ABLIM2: variants seen among roughly 807,000 people sequenced by gnomAD.
ABLIM2 encodes actin-binding LIM protein 2.
In ABLIM2, 53 loss-of-function variants were observed where a neutral mutation model predicts 97.7. That is an observed-to-expected ratio of 0.54 (90% CI 0.44 to 0.68). The LOEUF is 0.68. Among genes scored for constraint, ABLIM2 ranks in the 30% least tolerant of loss-of-function variants. ABLIM2 has a pLI of 0.00. For synonymous variants in ABLIM2, 361 were observed against 345.8 expected (o/e 1.04, Z -0.49); for missense variants, 835 against 867.2 (o/e 0.96, Z 0.47).
intron 4 of ABLIM2, among the ~76,000 whole-genome samples, chr4:8,086,534 G>C (rs973289615): frequency 1.4e-4 from 22 of 152,074 alleles, no homozygotes; most frequent in Admixed American, 9.2e-4. Context: ...TTTTATTAGA[G>C]ACAGGGCCTC....
At chr4:7,985,107 A>G in intron 17 of ABLIM2, among the ~76,000 whole-genome samples, 1 of 152,206 alleles carries the variant, frequency 6.6e-6, no homozygotes, top group Non-Finnish European at 1.5e-5. Context: ...GGGACTGGCC[A>G]GCTTTCTTGC....
At chr4:8,076,206 G>T (rs1815914812) in intron 6 of ABLIM2, among the ~76,000 whole-genome samples, 1 of 152,228 alleles carries the variant, frequency 6.6e-6, no homozygotes, top group Non-Finnish European at 1.5e-5. Flanking sequence ...TCCCCGCCAG[G>T]TAGAGTTGCT....
chr4:8,009,088 C>G lies in ABLIM2; in HGVS notation c.1438G>C (p.Asp480His). ...IYRQHAARRS[D>H]GEDGSLDQDN... is the part of the protein sequence containing the mutation. The stretch of plus-strand genomic sequence containing the variant: ...TGGTCCAAGCTTCCATCCTCCCCAT[C>G]CGATCGCCTGGCAGCTGGAAGGGAA... Residue 480 changes from aspartate (D) to histidine (H), a missense_variant, in exon 15 of 21, where the codon GAT becomes CAT. Coordinates refer to ENST00000447017, the MANE Select transcript of ABLIM2 (RefSeq NM_001130083.2). The G allele has an allele frequency of 6.2e-7, 1 of 1,614,058 alleles. No individual in the cohort carries two copies. Among genetic ancestry groups the G allele is most frequent in the Non-Finnish European group, 8.5e-7 (1 of 1,179,912 alleles).
In ABLIM2 at chr4:8,019,559, A is replaced by G; in HGVS notation, c.1423+59T>C. The G allele has an allele frequency of 3.3e-6, 5 of 1,503,508 alleles. No homozygotes were observed. Among genetic ancestry groups the G allele is most frequent in the Non-Finnish European group, 3.7e-6 (4 of 1,095,296 alleles). The allele number at this position is 1,503,508 out of a possible 1,614,324, so 93.1% of individuals were successfully genotyped here. ...ACAACAAAAGGATGCATTCAGAAGCAGATGGGTATTGACAGGCATGCGGGG... is the reference window on the plus strand; with the variant it reads ...ACAACAAAAGGATGCATTCAGAAGCGGATGGGTATTGACAGGCATGCGGGG... On this transcript the variant is annotated intron_variant, in intron 14 of 20. Transcript: ENST00000447017. This position sits in a 1 kb window ranked among gnomAD's most constrained non-coding sequence, Gnocchi z 4.3.
At chr4:8,102,211 C>G (rs140894789) in intron 2 of ABLIM2, among the ~76,000 whole-genome samples, 1 of 152,344 alleles carries the variant, frequency 6.6e-6, no homozygotes, top group Non-Finnish European at 1.5e-5. Flanking sequence ...GTTTCCCAAG[C>G]CTGCCTGCTT....
rs535964383 is a variant in ABLIM2 at position 8,048,191 on chromosome 4, A to G, written c.823-2950T>C. On this transcript the variant is annotated intron_variant, in intron 8 of 20. Transcript: ENST00000447017. ...GGGATGAGTCAGAAGGGAGCTGAGT[A>G]GGCCTGATTTTCCCCAGTGGGAGGA... Among the ~76,000 whole-genome samples, 36 of 152,338 alleles carry G rather than the reference A, an allele frequency of 2.4e-4. No individual in the cohort carries two copies. The South Asian group carries it at 2.5e-3, about 11-fold the overall frequency.
Position 8,113,697 on chromosome 4 carries a change from C to A in ABLIM2, c.11-7060G>T, listed in dbSNP as rs1014059160. On this transcript the variant is annotated intron_variant, in intron 1 of 20. Coordinates refer to ENST00000447017, the MANE Select transcript of ABLIM2 (RefSeq NM_001130083.2). The surrounding 1 kb of genome is among the most constrained non-coding windows in gnomAD (Gnocchi z 4.5). ...GCCAAGATGATTTCAGAAAGCTCCC[C>A]GTCTGCTGTTTGTATCATCCAAACG... 7.9e-5 allele frequency among the ~76,000 whole-genome samples: 12 copies of A among 152,338 alleles called. No homozygotes were observed. The highest frequency in any genetic ancestry group is 2.9e-4 in the African/African-American group (12 of 41,578).
In ABLIM2 at chr4:8,092,006, T is replaced by A. The variant is rs974114335; in HGVS notation, c.339-3722A>T. 9.3e-5 allele frequency among the ~76,000 whole-genome samples: 13 copies of A among 139,562 alleles called. No homozygotes were observed. The South Asian group carries it at 2.8e-3, about 30-fold the overall frequency. 91.6% of individuals were successfully genotyped at this position (139,562 alleles called of 152,430 possible). A position where few individuals can be genotyped will look rare whatever the true frequency, so the allele number is the denominator to read the frequency against. The stretch of plus-strand genomic sequence containing the variant: ...ATTATAATATATAATATAATATATA[T>A]ATATTTTTTGAGACAGAGTCTTGCT... On this transcript the variant is annotated intron_variant, in intron 3 of 20. Transcript: ENST00000447017.
At chr4:8,000,254 G>A (rs998408263) in intron 16 of ABLIM2, among the ~76,000 whole-genome samples, 3 of 152,260 alleles carry the variant, frequency 2.0e-5, no homozygotes, top group Admixed American at 6.5e-5. Flanking sequence ...TGTCCACAGA[G>A]GGCTTGCCAT....
intron 10 of ABLIM2, among the ~76,000 whole-genome samples, chr4:8,035,780 C>T (rs1178543034): frequency 3.9e-5 from 6 of 152,180 alleles, no homozygotes; most frequent in East Asian, 3.8e-4. Flanking sequence ...GCCAAGAGTC[C>T]GCTACAGAGG....
intron 1 of ABLIM2, among the ~76,000 whole-genome samples, chr4:8,119,904 G>A (rs978513194): frequency 3.3e-5 from 5 of 152,114 alleles, no homozygotes; most frequent in African/African-American, 9.7e-5. Flanking sequence ...CAGACCCTTC[G>A]CCTCCGCTCA....
At chr4:8,098,641 G>T (rs918793296) in intron 2 of ABLIM2, among the ~76,000 whole-genome samples, 8 of 152,176 alleles carry the variant, frequency 5.3e-5, no homozygotes, top group African/African-American at 1.9e-4. Context: ...CCAGATGCCG[G>T]AGCTGCCGGG....
chr4:8,145,940 A>C (rs981629060), intron 1 of ABLIM2, among the ~76,000 whole-genome samples: 12 of 152,088 alleles, frequency 7.9e-5, no homozygotes, highest in South Asian at 2.1e-4. Flanking sequence ...TGTCCTTGAG[A>C]ACTAGAATTG....
rs1213627338 is a variant in ABLIM2 at position 8,158,666 on chromosome 4, TC to T, written c.10+13del. On this transcript the variant is annotated intron_variant, in intron 1 of 20. Coordinates refer to ENST00000447017, the MANE Select transcript of ABLIM2 (RefSeq NM_001130083.2). ...GCGCGGGGACCCGTTGGTCCCTCGG[TC>T]CCCAGCACCCACCTGCACTCATCTC... The T allele has an allele frequency of 2.0e-6, 3 of 1,502,928 alleles. No individual in the cohort carries two copies. The highest frequency in any genetic ancestry group is 2.1e-5 in the Admixed American group (1 of 47,582). 93.1% of individuals were successfully genotyped at this position (1,502,928 alleles called of 1,614,324 possible).
rs746404270 is a variant in ABLIM2, at chr4:8,005,323, T to C, written c.1618+2736A>G. On this transcript the variant is annotated intron_variant, in intron 16 of 20. Transcript: ENST00000447017. This position sits in a 1 kb window ranked among gnomAD's most constrained non-coding sequence, Gnocchi z 4.9. Reference sequence around the variant, plus strand: ...TGGCACAGAGTGGGTGCTCAATAAATACCCGTTGAATGTAACGCATTTCAA... The same window carrying C: ...TGGCACAGAGTGGGTGCTCAATAAACACCCGTTGAATGTAACGCATTTCAA... 7.3e-5 allele frequency: 39 copies of C among 532,856 alleles called. No individual in the cohort carries two copies. The highest frequency in any genetic ancestry group is 2.5e-4 in the Admixed American group (13 of 51,582). The allele number at this position is 532,856 out of a possible 1,614,324, so 33.0% of individuals were successfully genotyped here.
rs1422987894 is a variant in ABLIM2, at chr4:8,147,330, T to C, written c.10+11350A>G. Among the ~76,000 whole-genome samples the C allele has an allele frequency of 6.6e-6, 1 of 152,178 alleles. No individual in the cohort carries two copies. Among genetic ancestry groups the C allele is most frequent in the Non-Finnish European group, 1.5e-5 (1 of 68,036 alleles). On this transcript the variant is annotated intron_variant, in intron 1 of 20. Transcript: ENST00000447017. This position sits in a 1 kb window ranked among gnomAD's most constrained non-coding sequence, Gnocchi z 5.3. ...ACTCCACAGGGAGAAGAAAAGGTAT[T>C]GACCCGGTAAACAGGATGCACCAAG... is the stretch of plus-strand genomic sequence containing the variant.
intron 9 of ABLIM2, among the ~76,000 whole-genome samples, chr4:8,038,658 T>C (rs1006485017): frequency 6.6e-6 from 1 of 152,194 alleles, no homozygotes; most frequent in Non-Finnish European, 1.5e-5. Flanking sequence ...GGGTGAACCC[T>C]GACATTTGTG....
At chr4:7,994,050 G>T in intron 16 of ABLIM2, 1 of 433,374 alleles carries the variant, frequency 2.3e-6, no homozygotes, top group East Asian at 7.7e-5. Context: ...ACCCTGGAGG[G>T]GCAGGACCCT....
rs78538592 is a variant in ABLIM2 at position 8,023,318 on chromosome 4, G to A, written c.1268-3015C>T. Among the ~76,000 whole-genome samples, 1,135 of 152,338 alleles carry A rather than the reference G, an allele frequency of 7.5e-3. 18 individuals are homozygous for A. Among genetic ancestry groups the A allele is most frequent in the African/African-American group, 0.026 (1,074 of 41,582 alleles). ...AGGAAACATGACGTTCTGTCGGCACGTCTCCCAAGGCTCCTCTCGGCTGCG... is the reference window on the plus strand; with the variant it reads ...AGGAAACATGACGTTCTGTCGGCACATCTCCCAAGGCTCCTCTCGGCTGCG... On this transcript the variant is annotated intron_variant, in intron 12 of 20. Coordinates refer to ENST00000447017, the MANE Select transcript of ABLIM2 (RefSeq NM_001130083.2). This position sits in a 1 kb window ranked among gnomAD's most constrained non-coding sequence, Gnocchi z 5.7.
Sources: gnomAD v4.1 joint callset for allele counts (sites outside exome capture counted in the v4.1 genomes callset) on GRCh38, gnomAD v4.1.1 for gene constraint, Gnocchi (gnomAD v3.1) non-coding constraint, MANE v1.5 for transcripts, NCBI Gene and HGNC (gene_info 2026-07-23, HGNC 2026-07-21) for gene names.